YME1L1: variants seen among roughly 807,000 people sequenced by gnomAD.
YME1L1 encodes ATP-dependent zinc metalloprotease YME1L1.
YME1L1 carries 39 observed loss-of-function variants against 90.4 expected under a neutral mutation model. The ratio of observed to expected loss-of-function variants is 0.43; its 90% CI spans 0.33 to 0.56. The LOEUF is 0.56. Ranked by LOEUF, YME1L1 falls within the 20% of genes least tolerant of loss-of-function variation. YME1L1 has a pLI of 0.03. For missense variants in YME1L1, 617 were observed against 868.4 expected (o/e 0.71, Z 3.64); for synonymous variants, 284 against 287.3 (o/e 0.99, Z 0.12).
In YME1L1 at chr10:27,121,261, T is replaced by A. The variant is rs1045204253; in HGVS notation, c.1298+125A>T. 11 of 686,398 alleles carry A rather than the reference T, an allele frequency of 1.6e-5. No individual in the cohort carries two copies. The African/African-American group carries it at 2.0e-4, about 12-fold the overall frequency. 42.5% of individuals were successfully genotyped at this position (686,398 alleles called of 1,614,324 possible). ...ACCCAATTTGTCTCTGTGAATTTGC[T>A]TATTCTGGATATTGCATATAAATGG... On this transcript the variant is annotated intron_variant, in intron 12 of 18. Transcript: ENST00000376016.
chr10:27,148,880 C>A (rs1413905483), intron 2 of YME1L1, 26 bp downstream of exon 2: 1 of 1,612,156 alleles, frequency 6.2e-7, no homozygotes, highest in South Asian at 1.1e-5. Flanking sequence ...AAAAGGCTTT[C>A]TCACACAACC....
intron 18 of YME1L1, among the ~76,000 whole-genome samples, chr10:27,113,953 A>T (rs2056786543): frequency 1.3e-5 from 2 of 151,502 alleles, no homozygotes; most frequent in African/African-American, 2.4e-5. Context: ...GACTCCATAA[A>T]AAAAAAAAAA....
At chr10:27,141,123 C>T (rs886954387) in intron 4 of YME1L1, among the ~76,000 whole-genome samples, 5 of 152,146 alleles carry the variant, frequency 3.3e-5, no homozygotes, top group African/African-American at 1.2e-4. Flanking sequence ...GGGCCTGGCA[C>T]CGTGGCTCAT....
chr10:27,111,717 C>T lies in YME1L1; in HGVS notation c.*260G>A, dbSNP rs746552203. 2 of 529,388 alleles carry T rather than the reference C, an allele frequency of 3.8e-6. No individual in the cohort carries two copies. The highest frequency in any genetic ancestry group is 6.8e-6 in the Non-Finnish European group (2 of 292,928). 32.8% of individuals were successfully genotyped at this position (529,388 alleles called of 1,614,324 possible). A position where few individuals can be genotyped will look rare whatever the true frequency, so the allele number is the denominator to read the frequency against. On this transcript the variant is annotated 3_prime_UTR_variant, in exon 19 of 19. Coordinates refer to ENST00000376016, the MANE Select transcript of YME1L1 (RefSeq NM_014263.4). ...TACTTTCAACTTAATAACTAATTGA[C>T]ATTCCTCAAAAGAGCTGTTTTCAAT...
At chr10:27,153,629 AAC>A (rs1197548808) in intron 1 of YME1L1, among the ~76,000 whole-genome samples, 1 of 152,218 alleles carries the variant, frequency 6.6e-6, no homozygotes, top group African/African-American at 2.4e-5. Context: ...TTTAACTGCA[AAC>A]AGTTTACGAC....
chr10:27,120,359 C>A, intron 13 of YME1L1, 76 bp downstream of exon 13: 3 of 1,018,574 alleles, frequency 2.9e-6, no homozygotes, highest in East Asian at 2.5e-5. Context: ...ATACATGTAT[C>A]ATGAAAGGAC....
chr10:27,154,309 C>T lies in YME1L1; in HGVS notation c.-99G>A. ...GCTGAGCCCTTCTTTTTTCCTTTTT[C>T]TCCGACCCGTTGCCCCTCACTCCTC... On this transcript the variant is annotated 5_prime_UTR_variant, in exon 1 of 19. Coordinates refer to ENST00000376016, the MANE Select transcript of YME1L1 (RefSeq NM_014263.4). 1 of 1,444,720 alleles carries T rather than the reference C, an allele frequency of 6.9e-7. No homozygotes were observed. The highest frequency in any genetic ancestry group is 9.4e-7 in the Non-Finnish European group (1 of 1,066,174). 89.5% of individuals were successfully genotyped at this position (1,444,720 alleles called of 1,614,324 possible). A position where few individuals can be genotyped will look rare whatever the true frequency, so the allele number is the denominator to read the frequency against.
chr10:27,120,568 G>C (rs1287476315), intron 12 of YME1L1, 21 bp from the exon 13 acceptor site: 1 of 1,581,678 alleles, frequency 6.3e-7, no homozygotes, highest in South Asian at 1.1e-5. Flanking sequence ...AATGCAAAAG[G>C]AAAATATAAA....
At chr10:27,142,289 G>T in intron 4 of YME1L1, 98 bp downstream of exon 4, 1 of 685,884 alleles carries the variant, frequency 1.5e-6, no homozygotes, top group Non-Finnish European at 2.2e-6. Context: ...CCTGTGAATT[G>T]CAAATGAATG....
intron 4 of YME1L1, 129 bp from the exon 5 acceptor site, chr10:27,136,514 T>A: frequency 1.4e-6 from 1 of 714,822 alleles, no homozygotes; most frequent in Non-Finnish European, 2.3e-6. Context: ...CTTCAATACG[T>A]TTTCCTTTGT....
At chr10:27,113,191 G>T (rs1046869752) in intron 18 of YME1L1, among the ~76,000 whole-genome samples, 1 of 115,088 alleles carries the variant, frequency 8.7e-6, no homozygotes, top group African/African-American at 3.3e-5. Context: ...CTGCACTCCA[G>T]CCTGGGTGAC....
In YME1L1 at chr10:27,112,068, T is replaced by C. The variant is rs758233530; in HGVS notation, c.2060A>G (p.Lys687Arg). 1 of 1,614,104 alleles carries C rather than the reference T, an allele frequency of 6.2e-7. No individual in the cohort carries two copies. The highest frequency in any genetic ancestry group is 1.7e-5 in the Admixed American group (1 of 60,020). Residue 687 changes from lysine (K) to arginine (R), a missense_variant, in exon 19 of 19, where the codon AAG (lysine) becomes AGG (arginine). Physicochemically the swap from Lys to Arg is conservative, Grantham distance 26. Around this residue, in one of 4 missense-constraint regions of YME1L1, gnomAD observed 212 missense variants for 330.0 expected, o/e 0.64. Transcript: ENST00000376016. ...HILKTHAKEHKNLAEALLTYE... is the reference protein window; with the variant it reads ...HILKTHAKEHRNLAEALLTYE... ...GGTCAATAAAGCTTCTGCGAGATTC[T>C]TATGCTCCTTTGCATGAGTTTTCAA...
chr10:27,114,442 C>CA (rs2056790974), intron 18 of YME1L1, 79 bp downstream of exon 18: 1 of 1,107,868 alleles, frequency 9.0e-7, no homozygotes, highest in Admixed American at 2.4e-5. Flanking sequence ...AGAGGGCCTT[C>CA]AGCTGTTATT....
chr10:27,140,688 A>T (rs2135888679), intron 4 of YME1L1, among the ~76,000 whole-genome samples: 1 of 152,170 alleles, frequency 6.6e-6, no homozygotes, highest in East Asian at 1.9e-4. Flanking sequence ...TATGTTGGCC[A>T]GGCTGGTCTT....
intron 17 of YME1L1, among the ~76,000 whole-genome samples, chr10:27,115,067 A>C (rs1011720415): frequency 6.6e-6 from 1 of 151,890 alleles, no homozygotes; most frequent in Admixed American, 6.6e-5. Context: ...AGGGCAAAGA[A>C]ATTTCCACAT....
chr10:27,135,111 A>ATTCATTGCTGAGTCTTAATCT, intron 5 of YME1L1, 130 bp from the exon 6 acceptor site: 1 of 800,910 alleles, frequency 1.2e-6, no homozygotes, highest in Non-Finnish European at 1.9e-6. Context: ...AAACAGATTA[A>ATTCATTGCTGAGTCTTAATCT]GACTCAGCAA....
chr10:27,125,148 A>G (rs2056903969), intron 9 of YME1L1, among the ~76,000 whole-genome samples: 1 of 152,240 alleles, frequency 6.6e-6, no homozygotes, highest in African/African-American at 2.4e-5. Context: ...TTTATTCTAA[A>G]GAAATAATTA....
At chr10:27,139,283 C>T (rs907436131) in intron 4 of YME1L1, among the ~76,000 whole-genome samples, 4 of 152,032 alleles carry the variant, frequency 2.6e-5, no homozygotes, top group African/African-American at 9.7e-5. Context: ...TAACCTTGAA[C>T]TTTGGGCTCA....
intron 8 of YME1L1, among the ~76,000 whole-genome samples, chr10:27,128,441 C>A (rs1023566565): frequency 2.6e-5 from 4 of 152,020 alleles, no homozygotes; most frequent in Non-Finnish European, 5.9e-5. Context: ...ACTCAGAAAT[C>A]CCCACATTCC....
Sources: allele counts gnomAD v4.1 joint callset (sites outside exome capture counted in the v4.1 genomes callset), GRCh38; gene constraint gnomAD v4.1.1; regional missense constraint gnomAD v4.1.1; transcripts MANE v1.5; gene names NCBI Gene and HGNC (gene_info 2026-07-23, HGNC 2026-07-21).